Variants in KIFAP3 observed in about 807,000 individuals in gnomAD.
KIFAP3 encodes the protein kinesin-associated protein 3.
Under a neutral mutation model 106.5 loss-of-function variants are expected in KIFAP3, and 68 were observed. The observed-to-expected ratio is 0.64, with a 90% CI of 0.53 to 0.78. The LOEUF (loss-of-function observed/expected upper bound fraction) is 0.78, where lower values mean the gene tolerates loss of function less well. Ranked by LOEUF, KIFAP3 falls within the 30% of genes least tolerant of loss-of-function variation. The pLI is 0.00. For missense variants in KIFAP3, 780 were observed against 941.8 expected (o/e 0.83, Z 2.25); for synonymous variants, 320 against 311.5 (o/e 1.03, Z -0.29).
At chr1:170,028,408 G>A (rs1669230961) in intron 8 of KIFAP3, among the ~76,000 whole-genome samples, 1 of 152,112 alleles carries the variant, frequency 6.6e-6, no homozygotes, top group African/African-American at 2.4e-5. Context: ...TGCGATCTTG[G>A]CTCATTGCAA....
Position 169,992,271 on chromosome 1 carries a change from C to G in KIFAP3, c.1184-16G>C. On this transcript the variant is annotated splice_polypyrimidine_tract_variant and intron_variant, in intron 10 of 19. Coordinates refer to ENST00000361580, the MANE Select transcript of KIFAP3 (RefSeq NM_014970.4). ...TTGTCATTGCCTAGGAATAAAACAT[C>G]ATGGTGATGATGCTATAAATATATA... 1 of 1,379,854 alleles carries G rather than the reference C, an allele frequency of 7.2e-7. No homozygotes were observed. Among genetic ancestry groups the G allele is most frequent in the Admixed American group, 2.1e-5 (1 of 48,494 alleles). 85.5% of individuals were successfully genotyped at this position (1,379,854 alleles called of 1,614,324 possible).
chr1:169,989,949 G>T, intron 11 of KIFAP3: 1 of 1,103,980 alleles, frequency 9.1e-7, no homozygotes. Context: ...ATTCTTTTTA[G>T]ACAAGGAATT....
intron 18 of KIFAP3, among the ~76,000 whole-genome samples, chr1:169,955,956 T>A (rs1323022635): frequency 6.6e-6 from 1 of 152,158 alleles, no homozygotes; most frequent in Non-Finnish European, 1.5e-5. Context: ...ATCAATTTTA[T>A]ATGGATTCTA....
chr1:169,924,079 A>C (rs1036798177), intron 19 of KIFAP3, among the ~76,000 whole-genome samples: 5 of 152,224 alleles, frequency 3.3e-5, no homozygotes, highest in Non-Finnish European at 5.9e-5. Flanking sequence ...ATAAACTTAG[A>C]TATTACCTAA....
intron 10 of KIFAP3, among the ~76,000 whole-genome samples, chr1:169,993,663 G>GGCGGATCGTT (rs1230943851): frequency 8.1e-6 from 1 of 123,370 alleles, no homozygotes; most frequent in South Asian, 2.8e-4. Context: ...GAGGCTTGCA[G>GGCGGATCGTT]TGAGCCCAGA....
intron 9 of KIFAP3, among the ~76,000 whole-genome samples, chr1:170,021,531 C>T (rs1668825612): frequency 6.6e-6 from 1 of 150,796 alleles, no homozygotes; most frequent in Admixed American, 6.6e-5. Context: ...CCTCCACCTC[C>T]TGGGTTCAAG....
At position 169,961,027 on chromosome 1, in the gene KIFAP3, C is replaced by T. The variant is rs1665299997; in HGVS notation, c.2173+19G>A. ...TTCATAGCATATAATAAACTGTTTA[C>T]TTTCGCTTTGGTTATCACCTGAGTT... On this transcript the variant is annotated intron_variant, in intron 18 of 19. Coordinates refer to ENST00000361580, the MANE Select transcript of KIFAP3 (RefSeq NM_014970.4). 3.7e-6 allele frequency: 6 copies of T among 1,601,936 alleles called. No individual in the cohort carries two copies. The Admixed American group carries it at 5.1e-5, about 14-fold the overall frequency.
intron 17 of KIFAP3, among the ~76,000 whole-genome samples, chr1:169,966,324 C>A (rs1665618317): frequency 1.3e-5 from 2 of 151,710 alleles, no homozygotes; most frequent in South Asian, 4.1e-4. Context: ...AAAATTATAT[C>A]TTGCAAAAGA....
At chr1:170,005,917 A>C (rs769287029) in intron 10 of KIFAP3, among the ~76,000 whole-genome samples, 1 of 151,910 alleles carries the variant, frequency 6.6e-6, no homozygotes, top group Admixed American at 6.6e-5. Flanking sequence ...CAAAACTGTG[A>C]AGAAAACTGT....
chr1:169,978,144 T>A lies in KIFAP3; in HGVS notation c.1838A>T (p.Tyr613Phe). ...GTGGAAAACCATCTGGTAGAAGACA[T>A]AAATTATCTGACACACAAATTCATC... ...EDDEFVCQIIYVFYQMVFHQA... is the reference protein window; with the variant it reads ...EDDEFVCQIIFVFYQMVFHQA... Residue 613 changes from tyrosine to phenylalanine, a missense_variant, in exon 16 of 20, where the codon TAT becomes TTT. Tyr to Phe is a conservative substitution (Grantham distance 22, BLOSUM62 3). Transcript: ENST00000361580. 6.2e-7 allele frequency: 1 copy of A among 1,612,572 alleles called. No individual in the cohort carries two copies. The highest frequency in any genetic ancestry group is 8.5e-7 in the Non-Finnish European group (1 of 1,179,020).
chr1:170,078,098 AT>A (rs1671953385), upstream of KIFAP3, among the ~76,000 whole-genome samples: 1 of 152,206 alleles, frequency 6.6e-6, no homozygotes, highest in Non-Finnish European at 1.5e-5. Context: ...TGGTAAATAT[AT>A]GAATGACTGT....
chr1:169,958,505 G>C (rs998185632), intron 18 of KIFAP3, among the ~76,000 whole-genome samples: 1 of 152,084 alleles, frequency 6.6e-6, no homozygotes, highest in African/African-American at 2.4e-5. Context: ...TGTAGAGTAT[G>C]AGAAAAAGAA....
At chr1:170,083,804 A>G (rs181039103) in intron 1 of KIFAP3, among the ~76,000 whole-genome samples, 1 of 152,358 alleles carries the variant, frequency 6.6e-6, no homozygotes, top group Admixed American at 6.5e-5. Context: ...TACTTCATTT[A>G]GAAAAATTGG....
intron 1 of KIFAP3, among the ~76,000 whole-genome samples, chr1:170,058,357 G>T (rs10494479): frequency 6.6e-6 from 1 of 152,096 alleles, no homozygotes; most frequent in East Asian, 1.9e-4. Context: ...TAACAGAGCC[G>T]TTTTAGGAAG....
chr1:169,945,090 C>T (rs1664362235), intron 19 of KIFAP3, among the ~76,000 whole-genome samples: 1 of 152,100 alleles, frequency 6.6e-6, no homozygotes, highest in South Asian at 2.1e-4. Context: ...CCCCTGGCCT[C>T]CCTCCCTGAG....
chr1:169,996,508 T>C (rs1158415525), intron 10 of KIFAP3, among the ~76,000 whole-genome samples: 2 of 152,140 alleles, frequency 1.3e-5, no homozygotes, highest in Non-Finnish European at 2.9e-5. Context: ...TTACAGTAAT[T>C]AAAGGGGTAG....
intron 1 of KIFAP3, among the ~76,000 whole-genome samples, chr1:170,057,709 T>C (rs1356064663): frequency 6.6e-6 from 1 of 152,006 alleles, no homozygotes; most frequent in Non-Finnish European, 1.5e-5. Flanking sequence ...ATGTCAGATA[T>C]TTAACTACTG....
intron 15 of KIFAP3, among the ~76,000 whole-genome samples, chr1:169,981,079 C>A (rs185909708): frequency 4.2e-4 from 64 of 152,170 alleles, no homozygotes; most frequent in African/African-American, 1.5e-3. Context: ...CCAGCCTGGG[C>A]AACAAGAGCA....
At chr1:170,003,705 G>A (rs940417250) in intron 10 of KIFAP3, among the ~76,000 whole-genome samples, 2 of 152,112 alleles carry the variant, frequency 1.3e-5, no homozygotes, top group East Asian at 1.9e-4. Context: ...TTGATGGGAC[G>A]TATTCAAAAT....
Sources: allele counts gnomAD v4.1 joint callset (sites outside exome capture counted in the v4.1 genomes callset), GRCh38; gene constraint gnomAD v4.1.1; transcripts MANE v1.5; gene names NCBI Gene and HGNC (gene_info 2026-07-23, HGNC 2026-07-21).